The following NELL1 variants were observed in gnomAD, a reference collection of about 807,000 sequenced individuals.
The protein encoded by NELL1 is protein kinase C-binding protein NELL1.
A neutral mutation model predicts 107.4 loss-of-function variants in NELL1; 76 were observed. That is an observed-to-expected ratio of 0.71 (90% CI 0.59 to 0.86). The LOEUF is 0.86. Among genes scored for constraint, NELL1 ranks in the 40% least tolerant of loss-of-function variants. The probability of loss-of-function intolerance (pLI) is 0.00; values close to 1 mark genes in which losing one functional copy is unlikely to be tolerated. For missense variants in NELL1, 1,024 were observed against 1,005.5 expected (o/e 1.02, Z -0.25); for synonymous variants, 353 against 341.2 (o/e 1.03, Z -0.38).
At chr11:21,286,108 C>A (rs1849109637) in intron 14 of NELL1, among the ~76,000 whole-genome samples, 1 of 152,142 alleles carries the variant, frequency 6.6e-6, no homozygotes, top group African/African-American at 2.4e-5. Flanking sequence ...GACACTTAGA[C>A]CATAGAAAGT....
chr11:21,303,114 C>CTATATCTATATCTA (rs556375310), intron 14 of NELL1, among the ~76,000 whole-genome samples: 2 of 140,976 alleles, frequency 1.4e-5, no homozygotes, highest in Non-Finnish European at 1.6e-5. Flanking sequence ...ATATCTATAT[C>CTATATCTATATCTA]TATCTTCTGT....
At chr11:20,964,567 G>A (rs1456116997) in intron 12 of NELL1, among the ~76,000 whole-genome samples, 1 of 152,136 alleles carries the variant, frequency 6.6e-6, no homozygotes, top group East Asian at 1.9e-4. Context: ...ACAGACAAGA[G>A]GATTCAGAGA....
At chr11:20,860,467 T>C (rs1379724326) in intron 4 of NELL1, among the ~76,000 whole-genome samples, 1 of 152,216 alleles carries the variant, frequency 6.6e-6, no homozygotes. Flanking sequence ...GCTTCATTAG[T>C]GAATTGTTAT....
At chr11:20,873,851 C>T (rs137936597) in intron 4 of NELL1, among the ~76,000 whole-genome samples, 44 of 151,806 alleles carry the variant, frequency 2.9e-4, no homozygotes, top group Middle Eastern at 3.4e-3. Context: ...GCAGCCTCGA[C>T]CCCCCAGGCT....
At chr11:20,760,275 G>A (rs1239600721) in intron 2 of NELL1, among the ~76,000 whole-genome samples, 1 of 152,204 alleles carries the variant, frequency 6.6e-6, no homozygotes, top group Non-Finnish European at 1.5e-5. Flanking sequence ...TTCAGCTGGA[G>A]TGTATGTAGC....
In NELL1 at chr11:20,915,714, TATA is replaced by T. The variant is rs201202758; in HGVS notation, c.604-2467_604-2465del. Among the ~76,000 whole-genome samples the T allele has an allele frequency of 2.7e-3, 206 of 75,498 alleles. 5 individuals are homozygous for T. Among genetic ancestry groups the T allele is most frequent in the African/African-American group, 9.8e-3 (192 of 19,546 alleles). 49.5% of individuals were successfully genotyped at this position (75,498 alleles called of 152,430 possible). A position where few individuals can be genotyped will look rare whatever the true frequency, so the allele number is the denominator to read the frequency against. On this transcript the variant is annotated intron_variant, in intron 5 of 19. Transcript: ENST00000357134. ...TCCTCATAGATGATATATATATATA[TATA>T]TTTTTTTTTTTTTTTTTTGAGAGGA... is the stretch of plus-strand genomic sequence containing the variant.
chr11:21,309,281 T>TATATATATATA (rs1491410648), intron 14 of NELL1, among the ~76,000 whole-genome samples: 2 of 6,628 alleles, frequency 3.0e-4, no homozygotes, highest in East Asian at 5.6e-3. Flanking sequence ...TATATATATG[T>TATATATATATA]ATATATATAT....
rs1848677789 is a variant in NELL1 at position 21,268,485 on chromosome 11, C to G, written c.1549+39031C>G. On this transcript the variant is annotated intron_variant, in intron 14 of 19. Transcript: ENST00000357134. ...CCCAATCTAGGGGAAAGGAAATACC[C>G]AACTCCAGCCACCTCCTAGCCTTCC... Among the ~76,000 whole-genome samples the G allele has an allele frequency of 1.3e-5, 2 of 152,094 alleles. 1 individual carries two copies. The highest frequency in any genetic ancestry group is 4.1e-4 in the South Asian group (2 of 4,824).
chr11:21,147,188 T>G (rs1196312834), intron 13 of NELL1, among the ~76,000 whole-genome samples: 1 of 152,184 alleles, frequency 6.6e-6, no homozygotes, highest in East Asian at 1.9e-4. Flanking sequence ...TAATAGCTGT[T>G]ATTTGAAAAA....
chr11:21,237,420 C>G (rs898777294), intron 14 of NELL1, among the ~76,000 whole-genome samples: 1 of 152,054 alleles, frequency 6.6e-6, no homozygotes, highest in Non-Finnish European at 1.5e-5. Flanking sequence ...TTTCAAGTAT[C>G]CCTTTTCCAC....
chr11:20,787,467 T>C (rs1477690557), intron 3 of NELL1, among the ~76,000 whole-genome samples: 1 of 152,226 alleles, frequency 6.6e-6, no homozygotes, highest in Non-Finnish European at 1.5e-5. Context: ...GATAAAAGTA[T>C]CTAGAGGAGC....
At chr11:21,407,061 G>A (rs1852254052) in intron 15 of NELL1, among the ~76,000 whole-genome samples, 1 of 151,980 alleles carries the variant, frequency 6.6e-6, no homozygotes, top group East Asian at 1.9e-4. Flanking sequence ...TGAAGCTGTA[G>A]TTTAACTTAT....
chr11:20,793,860 T>A (rs1857121334), intron 3 of NELL1, among the ~76,000 whole-genome samples: 1 of 152,194 alleles, frequency 6.6e-6, no homozygotes, highest in Admixed American at 6.5e-5. Flanking sequence ...TTGCAGAATT[T>A]TTTTTCCTGG....
chr11:21,278,279 T>G (rs972727902), intron 14 of NELL1, among the ~76,000 whole-genome samples: 5 of 152,142 alleles, frequency 3.3e-5, no homozygotes, highest in African/African-American at 1.2e-4. Flanking sequence ...CATAGTATTC[T>G]AAATCATAGC....
At position 21,348,678 on chromosome 11, in the gene NELL1, T is replaced by C. The variant is rs148714652; in HGVS notation, c.1550-22175T>C. Among the ~76,000 whole-genome samples the C allele has an allele frequency of 4.1e-3, 622 of 152,320 alleles. 4 individuals carry two copies. The highest frequency in any genetic ancestry group is 0.014 in the African/African-American group (594 of 41,572). ...TGCTAAATGCATTTTTAAAGGGCTT[T>C]GATACCAGCAAGGGGTTGTGGTAGC... On this transcript the variant is annotated intron_variant, in intron 14 of 19. Coordinates refer to ENST00000357134, the MANE Select transcript of NELL1 (RefSeq NM_006157.5).
Position 20,919,323 on chromosome 11 carries a change from A to C in NELL1, c.748A>C (p.Met250Leu). The change falls in exon 7 of 20, where the codon ATG becomes CTG. Residue 250 changes from methionine (M) to leucine (L), a missense_variant. Coordinates refer to ENST00000357134, the MANE Select transcript of NELL1 (RefSeq NM_006157.5). ...IMDLQELLAK[M>L]TAKLNYAETR... ...GGATTTACAAGAGCTTTTGGCCAAGATGACTGCAAAAGTAGGTATCTAAAT... is the reference window on the plus strand; with the variant it reads ...GGATTTACAAGAGCTTTTGGCCAAGCTGACTGCAAAAGTAGGTATCTAAAT... The C allele has an allele frequency of 6.3e-7, 1 of 1,592,330 alleles. No homozygotes were observed. The highest frequency in any genetic ancestry group is 2.2e-5 in the East Asian group (1 of 44,576).
chr11:21,489,842 A>G (rs117746686), intron 15 of NELL1, among the ~76,000 whole-genome samples: 1 of 152,246 alleles, frequency 6.6e-6, no homozygotes, highest in East Asian at 1.9e-4. Flanking sequence ...GACTTACATC[A>G]TAGTGAGTGG....
intron 5 of NELL1, among the ~76,000 whole-genome samples, chr11:20,910,596 G>A (rs1850107957): frequency 6.6e-6 from 1 of 152,208 alleles, no homozygotes; most frequent in Admixed American, 6.5e-5. Flanking sequence ...CTGCCCTGCT[G>A]TTGCCCTCTT....
intron 10 of NELL1, among the ~76,000 whole-genome samples, chr11:20,943,639 A>G (rs1168887212): frequency 2.0e-5 from 3 of 152,124 alleles, no homozygotes; most frequent in Non-Finnish European, 4.4e-5. Context: ...CCTCATAATA[A>G]TTCTGTGCAG....
Sources: gnomAD v4.1 joint callset for allele counts (sites outside exome capture counted in the v4.1 genomes callset) on GRCh38, gnomAD v4.1.1 for gene constraint, MANE v1.5 for transcripts, NCBI Gene and HGNC (gene_info 2026-07-23, HGNC 2026-07-21) for gene names.